The following ZNF326 variants were observed in gnomAD, a reference collection of about 807,000 sequenced individuals.
ZNF326 encodes zinc finger protein 326.
A neutral mutation model predicts 63.1 loss-of-function variants in ZNF326; 30 were observed. The ratio of observed to expected loss-of-function variants is 0.48; its 90% CI spans 0.36 to 0.64. The LOEUF (loss-of-function observed/expected upper bound fraction) is 0.64, where lower values mean the gene tolerates loss of function less well. ZNF326 is among the 30% of genes least tolerant of loss of function. The pLI is 0.00. For synonymous variants in ZNF326, 194 were observed against 228.2 expected (o/e 0.85, Z 1.35); for missense variants, 609 against 720.3 (o/e 0.85, Z 1.77).
intron 9 of ZNF326, among the ~76,000 whole-genome samples, chr1:90,019,910 T>C (rs892225048): frequency 6.6e-6 from 1 of 152,122 alleles, no homozygotes; most frequent in Non-Finnish European, 1.5e-5. Flanking sequence ...GCCTGCACCA[T>C]CTACCAAAGC....
At chr1:89,999,334 G>A (rs1648555049) in intron 2 of ZNF326, among the ~76,000 whole-genome samples, 1 of 151,786 alleles carries the variant, frequency 6.6e-6, no homozygotes, top group Non-Finnish European at 1.5e-5. Flanking sequence ...GCTTTTACAA[G>A]GGAGAGGGGG....
At position 90,007,204 on chromosome 1, in the gene ZNF326, G is replaced by A. The variant is rs576574174; in HGVS notation, c.210-141G>A. ...TTGAACTGCCCAGCCCTAATCAAAT[G>A]TGAACAAAAGTAGAACTGTGCAAAC... On this transcript the variant is annotated intron_variant, in intron 4 of 11. Transcript: ENST00000340281. The surrounding 1 kb of genome is among the most constrained non-coding windows in gnomAD (Gnocchi z 4.9). 1 of 787,832 alleles carries A rather than the reference G, an allele frequency of 1.3e-6. No homozygotes were observed. The highest frequency in any genetic ancestry group is 1.7e-5 in the African/African-American group (1 of 57,420). 48.8% of individuals were successfully genotyped at this position (787,832 alleles called of 1,614,324 possible).
chr1:90,032,092 T>C lies in ZNF326; in HGVS notation c.*4391T>C, dbSNP rs1650302913. On this transcript the variant is annotated 3_prime_UTR_variant, in exon 12 of 12. Coordinates refer to ENST00000340281, the MANE Select transcript of ZNF326 (RefSeq NM_182976.4). Reference sequence around the variant, plus strand: ...AGATTCTTGGCAATGGTAAATTCAGTAGGTCCTGCCACCATTTGAGGCCTC... The same window carrying C: ...AGATTCTTGGCAATGGTAAATTCAGCAGGTCCTGCCACCATTTGAGGCCTC... 6.6e-6 allele frequency: 1 copy of C among 152,248 alleles called. No individual in the cohort carries two copies. The allele number at this position is 152,248 out of a possible 1,614,324, so 9.4% of individuals were successfully genotyped here.
chr1:90,003,423 C>T (rs1205641377), intron 2 of ZNF326, among the ~76,000 whole-genome samples: 3 of 152,124 alleles, frequency 2.0e-5, no homozygotes, highest in Non-Finnish European at 4.4e-5. Flanking sequence ...TGAGCCACCG[C>T]GCCCAGCAAC....
rs111486316 is a variant in ZNF326, at chr1:89,995,399, G to T, written c.16+126G>T. 351 of 1,270,616 alleles carry T rather than the reference G, an allele frequency of 2.8e-4. 3 individuals are homozygous for T. The African/African-American group carries it at 4.8e-3, about 18-fold the overall frequency. The allele number at this position is 1,270,616 out of a possible 1,614,324, so 78.7% of individuals were successfully genotyped here. On this transcript the variant is annotated intron_variant, in intron 1 of 11. Transcript: ENST00000340281. The stretch of plus-strand genomic sequence containing the variant: ...CTGCGGGCCCGGAGGCCGCCCGCCC[G>T]CCCCGGGCCCAGCGCCCGGAGTCGG...
At chr1:90,004,717 A>C (rs1246619832) in intron 2 of ZNF326, among the ~76,000 whole-genome samples, 3 of 150,964 alleles carry the variant, frequency 2.0e-5, no homozygotes, top group Non-Finnish European at 4.4e-5. Flanking sequence ...CAGTCTCATA[A>C]CCCAGTCTCA....
Position 90,031,492 on chromosome 1 carries a change from A to G in ZNF326, c.*3791A>G, listed in dbSNP as rs913373836. ...ACTTTTTTATTGTGGTAAAGTATAC[A>G]TAGCATAAAATTACCATTCTAATCA... On this transcript the variant is annotated 3_prime_UTR_variant, in exon 12 of 12. Transcript: ENST00000340281. The G allele has an allele frequency of 6.6e-6, 1 of 152,050 alleles. No individual in the cohort carries two copies. Among genetic ancestry groups the G allele is most frequent in the African/African-American group, 2.4e-5 (1 of 41,392 alleles). 9.4% of individuals were successfully genotyped at this position (152,050 alleles called of 1,614,324 possible).
intron 11 of ZNF326, among the ~76,000 whole-genome samples, chr1:90,022,978 C>T (rs1363140919): frequency 6.6e-6 from 1 of 152,176 alleles, no homozygotes; most frequent in East Asian, 1.9e-4. Context: ...ATTTGGCGGG[C>T]GGGAGAAGAG....
At chr1:89,995,635 C>T (rs944383556) in intron 1 of ZNF326, among the ~76,000 whole-genome samples, 20 of 152,278 alleles carry the variant, frequency 1.3e-4, no homozygotes, top group African/African-American at 4.8e-4. Flanking sequence ...CCTCACCCAC[C>T]TAGTCTCGCA....
At chr1:89,998,630 T>A (rs956857436) in intron 2 of ZNF326, among the ~76,000 whole-genome samples, 2 of 152,140 alleles carry the variant, frequency 1.3e-5, no homozygotes, top group African/African-American at 4.8e-5. Flanking sequence ...TGAAGAAGCT[T>A]GATTGTTTAT....
At chr1:90,008,501 T>C (rs1305032172) in intron 5 of ZNF326, among the ~76,000 whole-genome samples, 1 of 152,154 alleles carries the variant, frequency 6.6e-6, no homozygotes, top group African/African-American at 2.4e-5. Context: ...TTGTTTAAGT[T>C]TAGGGTACAT....
chr1:90,004,230 T>C (rs1648846175), intron 2 of ZNF326, among the ~76,000 whole-genome samples: 1 of 152,176 alleles, frequency 6.6e-6, no homozygotes, highest in African/African-American at 2.4e-5. Context: ...TTGCATTCAT[T>C]TGTTGAGTCA....
intron 6 of ZNF326, among the ~76,000 whole-genome samples, chr1:90,011,318 A>G (rs1471520064): frequency 6.6e-6 from 1 of 152,200 alleles, no homozygotes; most frequent in East Asian, 1.9e-4. Flanking sequence ...AGTATAGACT[A>G]TGTGACTTTA....
intron 1 of ZNF326, 127 bp downstream of exon 1, chr1:89,995,400 C>A: frequency 1.6e-6 from 2 of 1,278,410 alleles, no homozygotes; most frequent in Non-Finnish European, 2.1e-6. Flanking sequence ...CGCCCGCCCG[C>A]CCCGGGCCCA....
rs1358918611 is a variant in ZNF326 at position 90,031,126 on chromosome 1, T to TG, written c.*3430dup. On this transcript the variant is annotated 3_prime_UTR_variant, in exon 12 of 12. Coordinates refer to ENST00000340281, the MANE Select transcript of ZNF326 (RefSeq NM_182976.4). ...GCCCTTTTGAATATAAACATAGGTT[T>TG]GGGGGATTCTTCATAATACTTTCTG... 40 of 152,208 alleles carry TG rather than the reference T, an allele frequency of 2.6e-4. No homozygotes were observed. The highest frequency in any genetic ancestry group is 2.6e-3 in the Admixed American group (40 of 15,286). 9.4% of individuals were successfully genotyped at this position (152,208 alleles called of 1,614,324 possible). A position where few individuals can be genotyped will look rare whatever the true frequency, so the allele number is the denominator to read the frequency against.
In ZNF326 at chr1:90,017,385, A is replaced by G. The variant is rs200399673; in HGVS notation, c.995A>G (p.Glu332Gly). The change falls in exon 8 of 12, where the codon GAA (glutamate) becomes GGA (glycine). Residue 332 changes from glutamate (E) to glycine (G), a missense_variant. This residue lies in a region of ZNF326 where 399 missense variants were observed against 444.3 expected (regional missense o/e 0.90). Transcript: ENST00000340281. ...GAAAAAGATATTGAACTGCATCTGG[A>G]AAGTTCTTCACATCAGGAAACATTA... ...FEEKDIELHL[E>G]SSSHQETLDH... The G allele has an allele frequency of 1.6e-4, 263 of 1,607,780 alleles. 1 individual carries two copies. Among genetic ancestry groups the G allele is most frequent in the Non-Finnish European group, 2.0e-4 (236 of 1,178,046 alleles).
intron 6 of ZNF326, among the ~76,000 whole-genome samples, chr1:90,012,719 G>A (rs914126763): frequency 1.1e-4 from 17 of 152,080 alleles, no homozygotes; most frequent in African/African-American, 4.1e-4. Flanking sequence ...CTTGCATCCA[G>A]GGCTCTGCAG....
chr1:89,995,489 G>T (rs1447529747), intron 1 of ZNF326, among the ~76,000 whole-genome samples: 3 of 152,260 alleles, frequency 2.0e-5, no homozygotes, highest in Non-Finnish European at 2.9e-5. Flanking sequence ...GGAGACAAGA[G>T]AACTCGGTGT....
intron 6 of ZNF326, among the ~76,000 whole-genome samples, chr1:90,011,420 C>T (rs1246680696): frequency 6.6e-6 from 1 of 151,002 alleles, no homozygotes; most frequent in Non-Finnish European, 1.5e-5. Flanking sequence ...GATTAAATTA[C>T]TTATTTGAGG....
Sources: gnomAD v4.1 joint callset for allele counts (sites outside exome capture counted in the v4.1 genomes callset) on GRCh38, gnomAD v4.1.1 for gene constraint, gnomAD v4.1.1 regional missense constraint, Gnocchi (gnomAD v3.1) non-coding constraint, MANE v1.5 for transcripts, NCBI Gene and HGNC (gene_info 2026-07-23, HGNC 2026-07-21) for gene names.